Variants in PTCH1 observed in about 807,000 individuals in gnomAD.
PTCH1 encodes the protein patched 1, also known as protein patched homolog 1.
PTCH1 carries 14 observed loss-of-function variants against 144.6 expected under a neutral mutation model. The observed-to-expected ratio is 0.10, with a 90% confidence interval of 0.06 to 0.15. PTCH1 has a LOEUF of 0.15. PTCH1 is among the 10% of genes least tolerant of loss of function. PTCH1 has a pLI of 1.00. For missense variants in PTCH1, 1,623 were observed against 1,948.3 expected, an observed-to-expected ratio of 0.83 and a Z score of 3.14; for synonymous variants, 833 against 793.6, an observed-to-expected ratio of 1.05 and a Z score of -0.83.
At chr9:95,474,620 G>A (rs1225374547) in intron 12 of PTCH1, among the ~76,000 whole-genome samples, 1 of 152,122 alleles carries the variant, frequency 6.6e-6, no homozygotes, top group East Asian at 1.9e-4. Flanking sequence ...TTCTCCAGCT[G>A]TGCCTCACAC....
chr9:95,489,893 A>C (rs866777502), intron 2 of PTCH1, among the ~76,000 whole-genome samples: 2 of 148,930 alleles, frequency 1.3e-5, no homozygotes, highest in South Asian at 2.1e-4. Context: ...CTCTGCCTCC[A>C]GGGTTCACGC....
At chr9:95,446,507 T>G in intron 23 of PTCH1, 116 bp from the exon 24 acceptor site, 1 of 475,000 alleles carries the variant, frequency 2.1e-6, no homozygotes, top group South Asian at 1.6e-5. Context: ...GAGAGTGGGG[T>G]GTGGGCCTGA....
At chr9:95,480,326 T>C in intron 6 of PTCH1, 64 bp downstream of exon 6, 2 of 1,576,520 alleles carry the variant, frequency 1.3e-6, no homozygotes, top group Non-Finnish European at 8.7e-7. Flanking sequence ...AAGTGAACGA[T>C]GAATGGACAC....
Position 95,446,987 on chromosome 9 carries a change from C to T in PTCH1, c.4269G>A (p.Arg1423=). Residue 1423 remains arginine, a synonymous_variant, in exon 23 of 24, where the codon AGG becomes AGA. Coordinates refer to ENST00000331920, the MANE Select transcript of PTCH1 (RefSeq NM_000264.5). The stretch of plus-strand genomic sequence containing the variant: ...GCTCAATGACTTCCACCTTCGAATC[C>T]CTCCTCTCACACCGGACGTGGAAAG... ...HVPFHVRCER[R]DSKVEVIELQ... The T allele has an allele frequency of 6.2e-7, 1 of 1,614,208 alleles. No homozygotes were observed.
Position 95,449,432 on chromosome 9 carries a change from G to A in PTCH1, c.3550-109C>T. On this transcript the variant is annotated intron_variant, in intron 21 of 23. Coordinates refer to ENST00000331920, the MANE Select transcript of PTCH1 (RefSeq NM_000264.5). This position sits in a 1 kb window ranked among gnomAD's most constrained non-coding sequence, Gnocchi z 5.3. Reference sequence around the variant, plus strand: ...AGGGGCCTCTGTTCCCTGCCCTGGGGCCCTGCGCACTGTGCCGTATTAACC... The same window carrying A: ...AGGGGCCTCTGTTCCCTGCCCTGGGACCCTGCGCACTGTGCCGTATTAACC... The A allele has an allele frequency of 6.9e-7, 1 of 1,457,844 alleles. No homozygotes were observed. Among genetic ancestry groups the A allele is most frequent in the Non-Finnish European group, 9.3e-7 (1 of 1,076,240 alleles). 90.3% of individuals were successfully genotyped at this position (1,457,844 alleles called of 1,614,324 possible).
chr9:95,501,806 A>G (rs1843164349), intron 2 of PTCH1, among the ~76,000 whole-genome samples: 1 of 152,206 alleles, frequency 6.6e-6, no homozygotes. Flanking sequence ...AAAGAAATAG[A>G]TACTGAGGGA....
chr9:95,456,172 C>T, intron 19 of PTCH1, 104 bp downstream of exon 19: 2 of 1,537,728 alleles, frequency 1.3e-6, no homozygotes, highest in Non-Finnish European at 1.8e-6. Flanking sequence ...GGCCTTTTCA[C>T]TGCCACGCAC....
chr9:95,457,082 C>T (rs971882936), intron 18 of PTCH1, among the ~76,000 whole-genome samples: 2 of 152,140 alleles, frequency 1.3e-5, no homozygotes, highest in East Asian at 3.9e-4. Flanking sequence ...CAAGGAAAAG[C>T]TTCTTGCCTT....
intron 1 of PTCH1, chr9:95,507,196 A>T (rs895353434): frequency 2.0e-6 from 2 of 985,434 alleles, no homozygotes; most frequent in African/African-American, 3.5e-5. Context: ...GTGTGAGCTG[A>T]ATTAGGAAGT....
intron 14 of PTCH1, 105 bp from the exon 15 acceptor site, chr9:95,467,530 A>C: frequency 8.8e-7 from 1 of 1,130,876 alleles, no homozygotes. Context: ...ACCACACTTA[A>C]ACTGATTTAT....
chr9:95,516,877 A>G, exon 1 of PTCH1: 3 of 1,461,970 alleles, frequency 2.1e-6, no homozygotes, highest in Non-Finnish European at 2.8e-6. Flanking sequence ...GGGTCACGTG[A>G]CGGATCCGAA....
intron 20 of PTCH1, chr9:95,452,707 T>TA (rs1259830120): frequency 2.0e-5 from 3 of 152,588 alleles, no homozygotes; most frequent in African/African-American, 7.2e-5. Context: ...AGTCCAATGC[T>TA]AAATGCTTCC....
rs537860908 is a variant in PTCH1 at position 95,450,003 on chromosome 9, G to C, written c.3450-63C>G. The C allele has an allele frequency of 2.1e-6, 3 of 1,437,534 alleles. No homozygotes were observed. The African/African-American group carries it at 4.2e-5, about 20-fold the overall frequency. 89.0% of individuals were successfully genotyped at this position (1,437,534 alleles called of 1,614,324 possible). A position where few individuals can be genotyped will look rare whatever the true frequency, so the allele number is the denominator to read the frequency against. ...CAGGGTGGATCGCGCCACCCTCCGT[G>C]TGCCCGACACAGCAGCATGGCAACG... On this transcript the variant is annotated intron_variant, in intron 20 of 23. Coordinates refer to ENST00000331920, the MANE Select transcript of PTCH1 (RefSeq NM_000264.5).
At chr9:95,485,647 C>A in intron 3 of PTCH1, 38 bp downstream of exon 3, 1 of 1,612,844 alleles carries the variant, frequency 6.2e-7, no homozygotes, top group Non-Finnish European at 8.5e-7. Context: ...CACCGCCTTA[C>A]CTGCTGCTCA....
rs201357130 is a variant in PTCH1, at chr9:95,446,954, G to A, written c.4302C>T (p.Asp1434=). Reference sequence around the variant, plus strand: ...CCCGGGGCCTCTCCTCGCATTCCACGTCCTGCAGCTCAATGACTTCCACCT... The same window carrying A: ...CCCGGGGCCTCTCCTCGCATTCCACATCCTGCAGCTCAATGACTTCCACCT... ...DSKVEVIELQ[D]VECEERPRGS... is the part of the protein sequence containing the mutation. The change falls in exon 23 of 24, where the codon GAC becomes GAT. Residue 1434 remains aspartate, a synonymous_variant. Transcript: ENST00000331920. 79 of 1,614,144 alleles carry A rather than the reference G, an allele frequency of 4.9e-5. No homozygotes were observed. Among genetic ancestry groups the A allele is most frequent in the Admixed American group, 3.7e-4 (22 of 60,022 alleles).
In PTCH1 at chr9:95,493,933, T is replaced by C. The variant is rs958452304; in HGVS notation, c.395-8059A>G. Among the ~76,000 whole-genome samples, 4 of 152,302 alleles carry C rather than the reference T, an allele frequency of 2.6e-5. No individual in the cohort carries two copies. The East Asian group carries it at 5.8e-4, about 22-fold the overall frequency. On this transcript the variant is annotated intron_variant, in intron 2 of 23. Coordinates refer to ENST00000331920, the MANE Select transcript of PTCH1 (RefSeq NM_000264.5). ...TGTCCAAGTTTCTGGGCCGTTTTTTTCCTTATGAGATTGTGCCCCTGCGTG... is the reference window on the plus strand; with the variant it reads ...TGTCCAAGTTTCTGGGCCGTTTTTTCCCTTATGAGATTGTGCCCCTGCGTG...
At chr9:95,481,542 A>G (rs1841533806) in intron 5 of PTCH1, among the ~76,000 whole-genome samples, 1 of 152,250 alleles carries the variant, frequency 6.6e-6, no homozygotes, top group African/African-American at 2.4e-5. Flanking sequence ...TTTACTTCAC[A>G]GGAAGATCTC....
chr9:95,479,555 A>G (rs1841365528), intron 7 of PTCH1, among the ~76,000 whole-genome samples: 1 of 152,210 alleles, frequency 6.6e-6, no homozygotes, highest in Non-Finnish European at 1.5e-5. Context: ...GACTGACCAG[A>G]GTCCACAAGT....
At chr9:95,469,278 T>A in intron 13 of PTCH1, 125 bp from the exon 14 acceptor site, 1 of 1,283,014 alleles carries the variant, frequency 7.8e-7, no homozygotes. Context: ...GAGAGAAACA[T>A]CACATTGCTG....
Sources: gnomAD v4.1 joint callset for allele counts (sites outside exome capture counted in the v4.1 genomes callset) on GRCh38, gnomAD v4.1.1 for gene constraint, Gnocchi (gnomAD v3.1) non-coding constraint, MANE v1.5 for transcripts, NCBI Gene and HGNC (gene_info 2026-07-23, HGNC 2026-07-21) for gene names.